Variants in SLC9A9 observed in about 807,000 individuals in gnomAD.
SLC9A9 encodes the protein solute carrier family 9 member A9, also known as sodium/hydrogen exchanger 9.
In SLC9A9, 62 loss-of-function variants were observed where a neutral mutation model predicts 77.8. The ratio of observed to expected loss-of-function variants is 0.80; its 90% CI spans 0.65 to 0.98. The LOEUF is 0.98. SLC9A9 is among the 50% of genes least tolerant of loss of function. The pLI, the probability that SLC9A9 is intolerant of heterozygous loss-of-function variation, is 0.00. For synonymous variants in SLC9A9, 320 were observed against 283.5 expected (o/e 1.13, Z -1.29); for missense variants, 775 against 774.9 (o/e 1.00, Z 0.00).
intron 14 of SLC9A9, among the ~76,000 whole-genome samples, chr3:143,316,573 G>A (rs1320148833): frequency 6.6e-6 from 1 of 152,128 alleles, no homozygotes; most frequent in Non-Finnish European, 1.5e-5. Context: ...CTTTAGGTTG[G>A]CACTGACAAT....
rs1412236393 is a variant in SLC9A9, at chr3:143,374,570, TAAAG to T, written c.1524+7486_1524+7489del. On this transcript the variant is annotated intron_variant, in intron 13 of 15. Coordinates refer to ENST00000316549, the MANE Select transcript of SLC9A9 (RefSeq NM_173653.4). ...AGCATATTAAGCACTATTTAACAGA[TAAAG>T]AAACAGGAAAATTCCTAATTATAAT... is the stretch of plus-strand genomic sequence containing the variant. 5.9e-5 allele frequency among the ~76,000 whole-genome samples: 9 copies of T among 151,736 alleles called. No individual in the cohort carries two copies. In the East Asian group the frequency reaches 1.7e-3, roughly 29 times the overall value.
At chr3:143,825,590 C>T (rs1484135891) in intron 2 of SLC9A9, among the ~76,000 whole-genome samples, 2 of 152,122 alleles carry the variant, frequency 1.3e-5, no homozygotes, top group African/African-American at 2.4e-5. Flanking sequence ...CTCTGATGAC[C>T]TATTTGCAGC....
At chr3:143,587,934 G>A (rs2037572272) in intron 6 of SLC9A9, among the ~76,000 whole-genome samples, 1 of 152,250 alleles carries the variant, frequency 6.6e-6, no homozygotes, top group South Asian at 2.1e-4. Context: ...AGAAACAGCT[G>A]CAGTGAGCAT....
chr3:143,272,206 T>C (rs888724872), intron 14 of SLC9A9, among the ~76,000 whole-genome samples: 5 of 152,196 alleles, frequency 3.3e-5, no homozygotes, highest in African/African-American at 1.2e-4. Context: ...ATTTGTTCCA[T>C]CATACACTCA....
intron 14 of SLC9A9, among the ~76,000 whole-genome samples, chr3:143,304,958 T>C (rs1296273288): frequency 6.6e-6 from 1 of 152,128 alleles, no homozygotes; most frequent in East Asian, 1.9e-4. Flanking sequence ...AACAATTAAT[T>C]TGGGTCTATG....
rs573870389 is a variant in SLC9A9 at position 143,298,717 on chromosome 3, G to A, written c.1605-29737C>T. The stretch of plus-strand genomic sequence containing the variant: ...GAGAACACAGAACATAACAGCACAG[G>A]ACCTTTCCCAAAGACAAAGAAGATT... On this transcript the variant is annotated intron_variant, in intron 14 of 15. Transcript: ENST00000316549. 3.9e-5 allele frequency among the ~76,000 whole-genome samples: 6 copies of A among 152,302 alleles called. No homozygotes were observed. The South Asian group carries it at 1.0e-3, about 26-fold the overall frequency.
intron 14 of SLC9A9, among the ~76,000 whole-genome samples, chr3:143,282,485 A>G (rs1191208128): frequency 6.6e-6 from 1 of 152,176 alleles, no homozygotes; most frequent in Non-Finnish European, 1.5e-5. Context: ...CTCAATATCC[A>G]GTCTCCCTCT....
At chr3:143,432,597 TC>T (rs1559913538) in intron 12 of SLC9A9, among the ~76,000 whole-genome samples, 1 of 152,178 alleles carries the variant, frequency 6.6e-6, no homozygotes, top group East Asian at 1.9e-4. Flanking sequence ...AGGGCTCTCT[TC>T]CCCCTAGAAT....
In SLC9A9 at chr3:143,605,753, T is replaced by C. The variant is rs559577795; in HGVS notation, c.756-27030A>G. ...CTCAAATTTGTTTTCGGTGACCTTA[T>C]GACATCACTCAGTGCTGACAGGTGT... On this transcript the variant is annotated intron_variant, in intron 6 of 15. Transcript: ENST00000316549. Among the ~76,000 whole-genome samples, 15 of 152,316 alleles carry C rather than the reference T, an allele frequency of 9.8e-5. No homozygotes were observed. The South Asian group carries it at 2.5e-3, about 25-fold the overall frequency.
chr3:143,558,553 A>G (rs2037027208), intron 8 of SLC9A9, among the ~76,000 whole-genome samples: 1 of 152,184 alleles, frequency 6.6e-6, no homozygotes, highest in South Asian at 2.1e-4. Context: ...GAGTCAAAGG[A>G]GATCATTTTG....
intron 4 of SLC9A9, among the ~76,000 whole-genome samples, chr3:143,695,557 G>A (rs142173275): frequency 1.1e-3 from 161 of 152,202 alleles, no homozygotes; most frequent in African/African-American, 3.7e-3. Context: ...GTGTATATGT[G>A]CCACATTTTC....
intron 5 of SLC9A9, among the ~76,000 whole-genome samples, chr3:143,653,720 G>T (rs1356774796): frequency 6.6e-6 from 1 of 152,168 alleles, no homozygotes; most frequent in Non-Finnish European, 1.5e-5. Flanking sequence ...ATGGCTGGAG[G>T]CTTTCCCAAT....
At chr3:143,481,253 C>T (rs1229362869) in intron 11 of SLC9A9, among the ~76,000 whole-genome samples, 1 of 152,000 alleles carries the variant, frequency 6.6e-6, no homozygotes, top group Non-Finnish European at 1.5e-5. Context: ...GTATTGGGTG[C>T]TATGGAAACA....
intron 5 of SLC9A9, among the ~76,000 whole-genome samples, chr3:143,666,805 C>T (rs893046947): frequency 1.3e-5 from 2 of 152,100 alleles, no homozygotes; most frequent in South Asian, 4.2e-4. Flanking sequence ...AGGAGAAATA[C>T]AAAACACTGC....
intron 6 of SLC9A9, among the ~76,000 whole-genome samples, chr3:143,649,810 C>CT (rs913918078): frequency 2.0e-5 from 3 of 151,954 alleles, no homozygotes; most frequent in Non-Finnish European, 2.9e-5. Context: ...AAATGGAAAA[C>CT]TTTTTTTTCC....
At chr3:143,838,448 C>CATTAAAA in intron 1 of SLC9A9, among the ~76,000 whole-genome samples, 2 of 151,928 alleles carry the variant, frequency 1.3e-5, no homozygotes, top group East Asian at 3.9e-4. Flanking sequence ...AAGGTGGTCT[C>CATTAAAA]GAGGAAGAAT....
intron 14 of SLC9A9, among the ~76,000 whole-genome samples, chr3:143,292,697 G>A (rs570796900): frequency 1.0e-3 from 159 of 152,178 alleles, no homozygotes; most frequent in African/African-American, 3.7e-3. Flanking sequence ...ATAATGCTAT[G>A]CAAACATGTA....
chr3:143,429,737 AGT>A (rs1414457618), intron 12 of SLC9A9, among the ~76,000 whole-genome samples: 5 of 144,906 alleles, frequency 3.5e-5, no homozygotes, highest in Non-Finnish European at 6.0e-5. Context: ...GGGGAGGCTG[AGT>A]GTGTGTGGAG....
intron 14 of SLC9A9, among the ~76,000 whole-genome samples, chr3:143,318,837 G>A (rs935208425): frequency 1.3e-5 from 2 of 152,194 alleles, no homozygotes; most frequent in African/African-American, 4.8e-5. Flanking sequence ...TTAGTGATGA[G>A]AGATGCTAAA....
Sources: allele counts gnomAD v4.1 joint callset (sites outside exome capture counted in the v4.1 genomes callset), GRCh38; gene constraint gnomAD v4.1.1; transcripts MANE v1.5; gene names NCBI Gene and HGNC (gene_info 2026-07-23, HGNC 2026-07-21).